NALF1: variants seen among roughly 807,000 people sequenced by gnomAD.
The protein encoded by NALF1 is NALCN channel auxiliary factor 1.
A neutral mutation model predicts 48.4 loss-of-function variants in NALF1; 3 were observed. The ratio of observed to expected loss-of-function variants is 0.06; its 90% CI spans 0.03 to 0.16. NALF1 has a LOEUF of 0.16. Among genes scored for constraint, NALF1 ranks in the 10% least tolerant of loss-of-function variants. NALF1 has a pLI of 1.00. For missense variants in NALF1, 526 were observed against 571.5 expected, an observed-to-expected ratio of 0.92 and a Z score of 0.81; for synonymous variants, 262 against 245.7, an observed-to-expected ratio of 1.07 and a Z score of -0.62.
chr13:107,595,279 G>A (rs1471215237), intron 1 of NALF1, among the ~76,000 whole-genome samples: 1 of 152,078 alleles, frequency 6.6e-6, no homozygotes. Flanking sequence ...ACCATATAAT[G>A]AGAACATTAT....
At chr13:107,219,663 T>G (rs2138813916) in intron 1 of NALF1, among the ~76,000 whole-genome samples, 1 of 152,330 alleles carries the variant, frequency 6.6e-6, no homozygotes, top group African/African-American at 2.4e-5. Context: ...TACAATCTAT[T>G]TAGAAAATAC....
At chr13:107,655,483 CA>C (rs1383306444) in intron 1 of NALF1, among the ~76,000 whole-genome samples, 1 of 151,994 alleles carries the variant, frequency 6.6e-6, no homozygotes, top group African/African-American at 2.4e-5. Flanking sequence ...AGGAAAACTA[CA>C]AAACACTGCT....
At chr13:107,628,798 T>G (rs1879753678) in intron 1 of NALF1, among the ~76,000 whole-genome samples, 1 of 152,206 alleles carries the variant, frequency 6.6e-6, no homozygotes, top group South Asian at 2.1e-4. Flanking sequence ...GGGCAATTTT[T>G]AATAATCATG....
intron 1 of NALF1, among the ~76,000 whole-genome samples, chr13:107,820,458 T>A (rs1194274681): frequency 8.5e-5 from 13 of 152,204 alleles, no homozygotes; most frequent in Non-Finnish European, 1.9e-4. Context: ...GTACATCACA[T>A]AAGCAGACTG....
chr13:107,379,645 G>A (rs1488675474), intron 1 of NALF1, among the ~76,000 whole-genome samples: 1 of 152,092 alleles, frequency 6.6e-6, no homozygotes, highest in Non-Finnish European at 1.5e-5. Flanking sequence ...AGGACTCCAG[G>A]AGTCCTGCTG....
chr13:107,249,374 A>G (rs1478006448), intron 1 of NALF1, among the ~76,000 whole-genome samples: 1 of 152,182 alleles, frequency 6.6e-6, no homozygotes, highest in Non-Finnish European at 1.5e-5. Flanking sequence ...AAACAACATT[A>G]TCTCAAAAAC....
intron 1 of NALF1, among the ~76,000 whole-genome samples, chr13:107,596,423 A>G (rs1057446872): frequency 1.3e-5 from 2 of 152,194 alleles, no homozygotes; most frequent in Non-Finnish European, 2.9e-5. Flanking sequence ...AAACAACCCA[A>G]ATGCTCATCA....
At chr13:107,468,421 G>C (rs572390998) in intron 1 of NALF1, among the ~76,000 whole-genome samples, 2 of 152,278 alleles carry the variant, frequency 1.3e-5, no homozygotes, top group African/African-American at 4.8e-5. Context: ...TGTGTACATG[G>C]AAGAATGAAA....
At chr13:107,804,023 C>T (rs895349394) in intron 1 of NALF1, among the ~76,000 whole-genome samples, 1 of 152,182 alleles carries the variant, frequency 6.6e-6, no homozygotes, top group Non-Finnish European at 1.5e-5. Context: ...TCAATTGCCA[C>T]ATCCGGCCCA....
chr13:107,368,844 C>T (rs1191420886), intron 1 of NALF1, among the ~76,000 whole-genome samples: 3 of 152,210 alleles, frequency 2.0e-5, no homozygotes, highest in African/African-American at 7.2e-5. Context: ...ACTATTCACG[C>T]CTCTGTTCCC....
intron 1 of NALF1, among the ~76,000 whole-genome samples, chr13:107,669,397 C>T (rs1455379105): frequency 6.6e-6 from 1 of 152,108 alleles, no homozygotes; most frequent in African/African-American, 2.4e-5. Flanking sequence ...TGTAAAACTG[C>T]TAAGTTCCAT....
At chr13:107,859,517 T>TTTCA (rs1880513967) in intron 1 of NALF1, among the ~76,000 whole-genome samples, 1 of 152,160 alleles carries the variant, frequency 6.6e-6, no homozygotes, top group Admixed American at 6.6e-5. Flanking sequence ...AATTAAATAT[T>TTTCA]TTCATGCATT....
At chr13:107,181,613 C>CT (rs72367311) in intron 2 of NALF1, among the ~76,000 whole-genome samples, 25,010 of 134,622 alleles carry the variant, frequency 0.19, 2,765 homozygotes, top group African/African-American at 0.32. Flanking sequence ...ACTATATAGA[C>CT]TTTTTTTTTT....
chr13:107,215,081 G>T (rs1879843279), intron 1 of NALF1, among the ~76,000 whole-genome samples: 1 of 152,030 alleles, frequency 6.6e-6, no homozygotes. Context: ...GACATTCCAG[G>T]GTGGAAAGCC....
chr13:107,371,663 T>C (rs145780862), intron 1 of NALF1, among the ~76,000 whole-genome samples: 145 of 152,268 alleles, frequency 9.5e-4, no homozygotes, highest in African/African-American at 3.3e-3. Flanking sequence ...GTAGTTATCA[T>C]TGAGGTTGCT....
chr13:107,773,373 GA>G (rs1160288960), intron 1 of NALF1, among the ~76,000 whole-genome samples: 4 of 152,138 alleles, frequency 2.6e-5, no homozygotes, highest in African/African-American at 9.7e-5. Context: ...AAACAGTGCA[GA>G]AAAGACTAAT....
chr13:107,171,945 T>G (rs965946845), intron 2 of NALF1, among the ~76,000 whole-genome samples: 3 of 152,312 alleles, frequency 2.0e-5, no homozygotes, highest in African/African-American at 7.2e-5. Flanking sequence ...ACATGAAAAT[T>G]TGGGCTGCTG....
rs114100789 is a variant in NALF1 at position 107,374,070 on chromosome 13, C to T, written c.916-163315G>A. Among the ~76,000 whole-genome samples the T allele has an allele frequency of 7.7e-3, 1,175 of 152,198 alleles. 17 individuals carry two copies. Among genetic ancestry groups the T allele is most frequent in the African/African-American group, 0.026 (1,062 of 41,518 alleles). ...AAAATATTCACTTCTCTGAATTTTC[C>T]AATGATTCCTTCATTAGCATGTTTT... On this transcript the variant is annotated intron_variant, in intron 1 of 2. Transcript: ENST00000375915.
chr13:107,437,156 T>C (rs545563068), intron 1 of NALF1, among the ~76,000 whole-genome samples: 1 of 152,138 alleles, frequency 6.6e-6, no homozygotes, highest in Middle Eastern at 3.4e-3. Context: ...CGTTATTCAT[T>C]AAAGAAATGC....
Sources: gnomAD v4.1 joint callset for allele counts (sites outside exome capture counted in the v4.1 genomes callset) on GRCh38, gnomAD v4.1.1 for gene constraint, MANE v1.5 for transcripts, NCBI Gene and HGNC (gene_info 2026-07-23, HGNC 2026-07-21) for gene names.